Variants in ZNF410 observed in about 807,000 individuals in gnomAD.
ZNF410 encodes zinc finger protein 410, also known as another partner for ARF 1.
ZNF410 carries 18 observed loss-of-function variants against 54.8 expected under a neutral mutation model. The observed-to-expected ratio is 0.33, with a 90% CI of 0.23 to 0.49. The LOEUF (loss-of-function observed/expected upper bound fraction) is 0.49, where lower values mean the gene tolerates loss of function less well. Among genes scored for constraint, ZNF410 ranks in the 20% least tolerant of loss-of-function variants. The probability of loss-of-function intolerance (pLI) is 0.99; values close to 1 mark genes in which losing one functional copy is unlikely to be tolerated. For missense variants in ZNF410, 405 were observed against 569.6 expected (o/e 0.71, Z 2.94); for synonymous variants, 191 against 207.3 (o/e 0.92, Z 0.68).
At chr14:73,887,163 G>A (rs546642988) in intron 1 of ZNF410, 2 of 152,618 alleles carry the variant, frequency 1.3e-5, no homozygotes, top group East Asian at 3.9e-4. Flanking sequence ...TTGGGGGTAG[G>A]GATATAGGAA....
chr14:73,905,960 C>CAT lies in ZNF410; in HGVS notation c.913+878_913+879insTA, dbSNP rs1204987452. ...ACATATATATACACACACACACACA[C>CAT]ACACACACATATATATATATATATA... On this transcript the variant is annotated intron_variant, in intron 7 of 11. Coordinates refer to ENST00000555044, the MANE Select transcript of ZNF410 (RefSeq NM_021188.3). Among the ~76,000 whole-genome samples, 9 of 22,360 alleles carry CAT rather than the reference C, an allele frequency of 4.0e-4. No homozygotes were observed. In the East Asian group the frequency reaches 0.011, roughly 27 times the overall value. 14.7% of individuals were successfully genotyped at this position (22,360 alleles called of 152,430 possible).
At chr14:73,924,567 T>A (rs1276392119) in intron 11 of ZNF410, 5 of 366,726 alleles carry the variant, frequency 1.4e-5, no homozygotes, top group African/African-American at 8.7e-5. Context: ...GTGGATGACT[T>A]CATCACGAGC....
intron 8 of ZNF410, chr14:73,909,675 C>A: frequency 2.6e-6 from 1 of 386,606 alleles, no homozygotes; most frequent in Non-Finnish European, 4.7e-6. Flanking sequence ...AAGAGATCAG[C>A]AAATTTGTTT....
rs1057293711 is a variant in ZNF410 at position 73,920,967 on chromosome 14, G to C, written c.1004-13G>C. ...CCTTTTGGCTTCCTTGTTTAACCTGGTCCCTGTTTCAGGAGAGAAGCCTCA... is the reference window on the plus strand; with the variant it reads ...CCTTTTGGCTTCCTTGTTTAACCTGCTCCCTGTTTCAGGAGAGAAGCCTCA... On this transcript the variant is annotated splice_polypyrimidine_tract_variant and intron_variant, in intron 8 of 11. Coordinates refer to ENST00000555044, the MANE Select transcript of ZNF410 (RefSeq NM_021188.3). 1 of 1,613,606 alleles carries C rather than the reference G, an allele frequency of 6.2e-7. No homozygotes were observed. The highest frequency in any genetic ancestry group is 1.3e-5 in the African/African-American group (1 of 74,884).
intron 1 of ZNF410, among the ~76,000 whole-genome samples, chr14:73,889,765 G>A (rs947593237): frequency 5.3e-5 from 8 of 151,412 alleles, no homozygotes; most frequent in Non-Finnish European, 7.4e-5. Flanking sequence ...CTTGGAAGGA[G>A]CATTTCCATT....
At chr14:73,927,850 A>ATTTTTTTTT (rs769693607) in intron 11 of ZNF410, 2 of 135,246 alleles carry the variant, frequency 1.5e-5, no homozygotes, top group Non-Finnish European at 1.5e-5. Context: ...TTTTTTTTTA[A>ATTTTTTTTT]TTTTTTAGAC....
intron 1 of ZNF410, among the ~76,000 whole-genome samples, chr14:73,891,511 G>T (rs140007453): frequency 1.7e-3 from 252 of 152,214 alleles, no homozygotes; most frequent in African/African-American, 5.8e-3. Flanking sequence ...CTGCGACCAT[G>T]CTCAGCTAAT....
At chr14:73,910,017 C>G (rs1050786630) in intron 8 of ZNF410, among the ~76,000 whole-genome samples, 5 of 152,174 alleles carry the variant, frequency 3.3e-5, no homozygotes, top group African/African-American at 1.2e-4. Flanking sequence ...TTTGCTCACT[C>G]TGTGCAGATA....
At chr14:73,888,736 C>T (rs1398936988) in intron 1 of ZNF410, among the ~76,000 whole-genome samples, 2 of 152,154 alleles carry the variant, frequency 1.3e-5, no homozygotes, top group Admixed American at 1.3e-4. Context: ...GCCGTTACAC[C>T]TATAGCTAAT....
rs2055925821 is a variant in ZNF410, at chr14:73,932,138, A to C, written c.*597A>C. 1.3e-5 allele frequency: 5 copies of C among 385,414 alleles called. No homozygotes were observed. Among genetic ancestry groups the C allele is most frequent in the South Asian group, 9.5e-5 (5 of 52,832 alleles). The allele number at this position is 385,414 out of a possible 1,614,324, so 23.9% of individuals were successfully genotyped here. A position where few individuals can be genotyped will look rare whatever the true frequency, so the allele number is the denominator to read the frequency against. ...GTACTATCTTGTCCTATACACTTCTACTTGGTCACTTTGCTTTCTTCGTTA... is the reference window on the plus strand; with the variant it reads ...GTACTATCTTGTCCTATACACTTCTCCTTGGTCACTTTGCTTTCTTCGTTA... On this transcript the variant is annotated 3_prime_UTR_variant, in exon 12 of 12. Transcript: ENST00000555044.
intron 10 of ZNF410, 57 bp downstream of exon 10, chr14:73,922,263 G>A: frequency 6.4e-7 from 1 of 1,553,554 alleles, no homozygotes; most frequent in South Asian, 1.2e-5. Flanking sequence ...AGGGGCTAAG[G>A]AATGGGGTGT....
intron 3 of ZNF410, chr14:73,894,211 G>A: frequency 3.1e-6 from 2 of 646,766 alleles, no homozygotes; most frequent in South Asian, 3.5e-5. Context: ...AGGAGAACTT[G>A]TAAAGGAGGG....
chr14:73,911,618 C>G (rs1251506526), intron 8 of ZNF410, among the ~76,000 whole-genome samples: 1 of 152,138 alleles, frequency 6.6e-6, no homozygotes, highest in Non-Finnish European at 1.5e-5. Context: ...GTGAAAGATT[C>G]ACCAAAGTAG....
At chr14:73,906,028 C>A (rs545656999) in intron 7 of ZNF410, among the ~76,000 whole-genome samples, 35 of 135,686 alleles carry the variant, frequency 2.6e-4, no homozygotes, top group Admixed American at 1.7e-3. Flanking sequence ...GAGATGGAGT[C>A]TTGCTCTGTT....
At chr14:73,890,047 G>T (rs555933178) in intron 1 of ZNF410, among the ~76,000 whole-genome samples, 1 of 151,908 alleles carries the variant, frequency 6.6e-6, no homozygotes, top group African/African-American at 2.4e-5. Flanking sequence ...CGCCTGCCTC[G>T]GCCTCCCAAA....
intron 8 of ZNF410, among the ~76,000 whole-genome samples, chr14:73,918,149 C>T (rs1384979513): frequency 6.6e-6 from 1 of 151,994 alleles, no homozygotes; most frequent in African/African-American, 2.4e-5. Flanking sequence ...CGCTCTGTTG[C>T]CCAGGCTGGA....
chr14:73,928,335 A>C (rs1235252641), intron 11 of ZNF410, among the ~76,000 whole-genome samples: 1 of 152,110 alleles, frequency 6.6e-6, no homozygotes, highest in Non-Finnish European at 1.5e-5. Context: ...CCTCTGTGGA[A>C]CTGTAAATAG....
intron 8 of ZNF410, among the ~76,000 whole-genome samples, chr14:73,910,879 AGTG>A (rs375949835): frequency 2.8e-5 from 4 of 144,326 alleles, no homozygotes; most frequent in South Asian, 4.2e-4. Flanking sequence ...AAAAAAAAAA[AGTG>A]GTAGTGAAGA....
rs545267862 is a variant in ZNF410 at position 73,923,522 on chromosome 14, G to C, written c.1398G>C (p.Glu466Asp). 6.2e-7 allele frequency: 1 copy of C among 1,611,624 alleles called. No individual in the cohort carries two copies. Among genetic ancestry groups the C allele is most frequent in the Non-Finnish European group, 8.5e-7 (1 of 1,178,972 alleles). ...TCTTAACTGCAGTAAATCCACAAGA[G>C]GTAAAGTGGTCTCTTGCCCTTTGTT... ...VSVLTAVNPQ[E>D]LLNQGDLTER... The change falls in exon 11 of 12, where the codon GAG becomes GAC. Residue 466 changes from glutamate (E) to aspartate (D), a missense_variant and splice_region_variant. Physicochemically the swap from Glu to Asp is conservative, Grantham distance 45 (BLOSUM62 2). Around this residue, in one of 3 missense-constraint regions of ZNF410, gnomAD observed 127 missense variants for 141.3 expected, o/e 0.90. Transcript: ENST00000555044.
Sources: allele counts gnomAD v4.1 joint callset (sites outside exome capture counted in the v4.1 genomes callset), GRCh38; gene constraint gnomAD v4.1.1; regional missense constraint gnomAD v4.1.1; transcripts MANE v1.5; gene names NCBI Gene and HGNC (gene_info 2026-07-23, HGNC 2026-07-21).